The following PDE10A variants were observed in gnomAD, a reference collection of about 807,000 sequenced individuals.
PDE10A encodes cAMP and cAMP-inhibited cGMP 3',5'-cyclic phosphodiesterase 10A.
In PDE10A, 39 loss-of-function variants were observed where a neutral mutation model predicts 97.7. That is an observed-to-expected ratio of 0.40 (90% confidence interval 0.31 to 0.52). PDE10A has a LOEUF of 0.52. Among genes scored for constraint, PDE10A ranks in the 20% least tolerant of loss-of-function variants. PDE10A has a pLI of 0.56. For missense variants in PDE10A, 731 were observed against 1,047.8 expected, an observed-to-expected ratio of 0.70 and a Z score of 4.17; for synonymous variants, 371 against 376.8, an observed-to-expected ratio of 0.98 and a Z score of 0.18.
intron 1 of PDE10A, among the ~76,000 whole-genome samples, chr6:165,651,819 G>A (rs929736534): frequency 5.9e-5 from 9 of 152,034 alleles, no homozygotes; most frequent in African/African-American, 2.2e-4. Context: ...AATCTATCCT[G>A]GAGGTGCTCT....
intron 1 of PDE10A, among the ~76,000 whole-genome samples, chr6:165,895,415 A>G (rs1370314537): frequency 6.6e-6 from 1 of 152,186 alleles, no homozygotes. Flanking sequence ...AGAAGCTGGG[A>G]GAGGTGAGGA....
intron 1 of PDE10A, among the ~76,000 whole-genome samples, chr6:165,552,488 G>A (rs1227505999): frequency 6.6e-6 from 1 of 152,214 alleles, no homozygotes; most frequent in Non-Finnish European, 1.5e-5. Flanking sequence ...CCTTCTGAGA[G>A]TCTGAAAAGT....
chr6:165,798,685 T>A (rs1211330058), intron 1 of PDE10A, among the ~76,000 whole-genome samples: 4 of 151,192 alleles, frequency 2.6e-5, no homozygotes, highest in African/African-American at 9.8e-5. Context: ...ATGATATTAA[T>A]CATCGAGGTT....
At chr6:165,648,059 G>A (rs1789493053) in intron 1 of PDE10A, among the ~76,000 whole-genome samples, 1 of 152,100 alleles carries the variant, frequency 6.6e-6, no homozygotes. Flanking sequence ...TGTCGCCCAG[G>A]CTGGAGTGCA....
intron 1 of PDE10A, among the ~76,000 whole-genome samples, chr6:165,726,568 T>C (rs1792300261): frequency 6.6e-6 from 1 of 151,952 alleles, no homozygotes; most frequent in Non-Finnish European, 1.5e-5. Flanking sequence ...AGAGCCACGA[T>C]GCCCGCTCCC....
chr6:165,380,629 A>C (rs895058516), intron 17 of PDE10A, among the ~76,000 whole-genome samples: 2 of 152,222 alleles, frequency 1.3e-5, no homozygotes, highest in Non-Finnish European at 2.9e-5. Flanking sequence ...CAAATTATAA[A>C]ACTTATATTA....
In PDE10A at chr6:165,379,355, G is replaced by A. The variant is rs540735117; in HGVS notation, c.2622C>T (p.His874=). ...TGGAGCTCAGAGTGGAGAAGATATT[G>A]TGCCCTTCCAACTAGGGAAAAAATA... ...QTVSILQLEG[H]NIFSTLSSSE... Residue 874 remains histidine (H), a synonymous_variant, in exon 18 of 22, where the codon CAC becomes CAT. Coordinates refer to ENST00000539869, the MANE Select transcript of PDE10A (RefSeq NM_001385079.1). 6.6e-5 allele frequency: 106 copies of A among 1,610,380 alleles called. 1 individual carries two copies. In the South Asian group the frequency reaches 1.1e-3, roughly 16 times the overall value.
At chr6:165,649,310 T>C (rs1789560751) in intron 1 of PDE10A, among the ~76,000 whole-genome samples, 2 of 151,960 alleles carry the variant, frequency 1.3e-5, no homozygotes. Flanking sequence ...CTGTCACCAC[T>C]AGAAGCAGAG....
At chr6:165,551,533 T>C (rs1784014733) in intron 1 of PDE10A, among the ~76,000 whole-genome samples, 1 of 152,128 alleles carries the variant, frequency 6.6e-6, no homozygotes, top group African/African-American at 2.4e-5. Flanking sequence ...CCCCAAAATA[T>C]ATAACAGGAA....
intron 1 of PDE10A, among the ~76,000 whole-genome samples, chr6:165,869,039 C>T (rs1487216507): frequency 2.6e-5 from 4 of 152,032 alleles, no homozygotes. Context: ...AGAACTGGAC[C>T]AAGGCAAGGA....
chr6:165,556,506 T>C (rs1034460973), intron 1 of PDE10A, among the ~76,000 whole-genome samples: 10 of 152,158 alleles, frequency 6.6e-5, no homozygotes, highest in East Asian at 1.9e-4. Context: ...AAGGGGACAA[T>C]AGTCATTAAC....
intron 1 of PDE10A, among the ~76,000 whole-genome samples, chr6:165,583,320 T>C (rs1785720264): frequency 6.6e-6 from 1 of 152,170 alleles, no homozygotes; most frequent in African/African-American, 2.4e-5. Context: ...CTCTACCTCT[T>C]CAGTCTTACT....
At chr6:165,714,291 C>T (rs990281242) in intron 1 of PDE10A, among the ~76,000 whole-genome samples, 1 of 152,194 alleles carries the variant, frequency 6.6e-6, no homozygotes, top group Non-Finnish European at 1.5e-5. Context: ...GGTGGCGTGC[C>T]GTAGCCACTC....
At chr6:165,560,860 T>G (rs1784486744) in intron 1 of PDE10A, among the ~76,000 whole-genome samples, 1 of 152,192 alleles carries the variant, frequency 6.6e-6, no homozygotes, top group African/African-American at 2.4e-5. Context: ...TGGTGTCTAA[T>G]CGTTTAGCAC....
intron 1 of PDE10A, among the ~76,000 whole-genome samples, chr6:165,651,637 G>A (rs9365901): frequency 0.11 from 16,635 of 152,112 alleles, 1,482 homozygotes; most frequent in African/African-American, 0.23. Context: ...TTTGAATGTG[G>A]ATTAACTTAT....
chr6:165,599,520 C>T (rs1168732374), intron 1 of PDE10A, among the ~76,000 whole-genome samples: 1 of 152,206 alleles, frequency 6.6e-6, no homozygotes, highest in Non-Finnish European at 1.5e-5. Context: ...CCTAGAGTCA[C>T]TGTTGCCATC....
intron 1 of PDE10A, among the ~76,000 whole-genome samples, chr6:165,936,942 G>A (rs167269): frequency 0.091 from 13,907 of 152,260 alleles, 807 homozygotes; most frequent in African/African-American, 0.16. Context: ...TAAGACCTTT[G>A]CTGTGAGTAT....
chr6:165,382,648 G>A (rs1272518175), intron 17 of PDE10A, among the ~76,000 whole-genome samples: 1 of 151,894 alleles, frequency 6.6e-6, no homozygotes, highest in Non-Finnish European at 1.5e-5. Context: ...AAAATAAACT[G>A]TATTAAAATA....
intron 18 of PDE10A, among the ~76,000 whole-genome samples, chr6:165,355,307 A>G (rs551571938): frequency 6.6e-6 from 1 of 152,192 alleles, no homozygotes; most frequent in Non-Finnish European, 1.5e-5. Context: ...GACCACACCA[A>G]TGATGACAAG....
Sources: allele counts gnomAD v4.1 joint callset (sites outside exome capture counted in the v4.1 genomes callset), GRCh38; gene constraint gnomAD v4.1.1; transcripts MANE v1.5; gene names NCBI Gene and HGNC (gene_info 2026-07-23, HGNC 2026-07-21).